Variants in PPP2R2B observed in about 807,000 individuals in gnomAD.
PPP2R2B encodes the protein serine/threonine-protein phosphatase 2A 55 kDa regulatory subunit B beta isoform.
In PPP2R2B, 5 loss-of-function variants were observed where a neutral mutation model predicts 46.0. That is an observed-to-expected ratio of 0.11 (90% confidence interval 0.06 to 0.23). The LOEUF (loss-of-function observed/expected upper bound fraction) is 0.23. Ranked by LOEUF, PPP2R2B falls within the 10% of genes least tolerant of loss-of-function variation. The pLI is 1.00. For missense variants in PPP2R2B, 367 were observed against 575.0 expected (o/e 0.64, Z 3.70); for synonymous variants, 215 against 206.7 (o/e 1.04, Z -0.34).
At chr5:146,997,734 A>C (rs993633075) in intron 1 of PPP2R2B, among the ~76,000 whole-genome samples, 2 of 152,222 alleles carry the variant, frequency 1.3e-5, no homozygotes, top group Non-Finnish European at 2.9e-5. Flanking sequence ...AATGGATAGA[A>C]TTTAATTTTT....
chr5:146,975,754 C>G (rs1409922447), intron 1 of PPP2R2B, among the ~76,000 whole-genome samples: 1 of 152,142 alleles, frequency 6.6e-6, no homozygotes, highest in African/African-American at 2.4e-5. Context: ...AACCTCTTTT[C>G]CTATGCTTGT....
chr5:146,881,533 C>T (rs750352751), upstream of PPP2R2B, among the ~76,000 whole-genome samples: 2 of 152,150 alleles, frequency 1.3e-5, no homozygotes, highest in Non-Finnish European at 2.9e-5. Flanking sequence ...ATGCGTCAGA[C>T]TCCTGAGTAG....
chr5:147,031,050 C>A (rs1340737627), intron 1 of PPP2R2B, among the ~76,000 whole-genome samples: 1 of 152,008 alleles, frequency 6.6e-6, no homozygotes, highest in Non-Finnish European at 1.5e-5. Flanking sequence ...TCCTGACTAA[C>A]ACGGTAAAAC....
At position 146,822,562 on chromosome 5, in the gene PPP2R2B, TTGTCC is replaced by T. The variant is rs1758332929; in HGVS notation, c.70+55435_70+55439del. On this transcript the variant is annotated intron_variant, in intron 2 of 9. Coordinates refer to ENST00000394411, the MANE Select transcript of PPP2R2B (RefSeq NM_181675.4). Reference sequence around the variant, plus strand: ...TTTTTTTTTTTTTTTGCTTTTTAGGTTGTCCTGTCAAGAATACTTCTCCATCTAAT... The same window carrying T: ...TTTTTTTTTTTTTTTGCTTTTTAGGTTGTCAAGAATACTTCTCCATCTAAT... Among the ~76,000 whole-genome samples, 4 of 149,156 alleles carry T rather than the reference TTGTCC, an allele frequency of 2.7e-5. 1 individual carries two copies. In the South Asian group the frequency reaches 8.5e-4, roughly 32 times the overall value.
chr5:147,024,838 G>A (rs543025225), intron 1 of PPP2R2B, among the ~76,000 whole-genome samples: 59 of 152,104 alleles, frequency 3.9e-4, no homozygotes, highest in African/African-American at 1.4e-3. Context: ...AAAATTTATA[G>A]CTTTAAATGC....
intron 2 of PPP2R2B, among the ~76,000 whole-genome samples, chr5:146,862,567 G>A (rs979907960): frequency 1.3e-5 from 2 of 152,266 alleles, no homozygotes; most frequent in South Asian, 2.1e-4. Context: ...CTGGAGGCAG[G>A]CCTTGCAGGT....
At chr5:147,008,702 C>T (rs1754568384) in intron 1 of PPP2R2B, among the ~76,000 whole-genome samples, 1 of 152,132 alleles carries the variant, frequency 6.6e-6, no homozygotes, top group Non-Finnish European at 1.5e-5. Flanking sequence ...GTGGTTGTTA[C>T]AGAGGAGTCA....
At chr5:146,619,673 G>A (rs1773512528) in intron 7 of PPP2R2B, among the ~76,000 whole-genome samples, 1 of 152,142 alleles carries the variant, frequency 6.6e-6, no homozygotes, top group Non-Finnish European at 1.5e-5. Flanking sequence ...AGCTATGCAG[G>A]CCACACCTGT....
At chr5:146,985,017 C>CTT (rs34277498) in intron 1 of PPP2R2B, among the ~76,000 whole-genome samples, 95 of 99,456 alleles carry the variant, frequency 9.6e-4, no homozygotes, top group African/African-American at 1.6e-3. Context: ...TTTTCTTTTT[C>CTT]TTTTTTTTTT....
At position 146,963,634 on chromosome 5, in the gene PPP2R2B, T is replaced by A. The variant is rs538753509; in HGVS notation, c.79+92031A>T. Reference sequence around the variant, plus strand: ...CGGCACCTTCAATTTCCTGTCTTCATTTTTTTTCCCATAGATAATGTTATT... The same window carrying A: ...CGGCACCTTCAATTTCCTGTCTTCAATTTTTTTCCCATAGATAATGTTATT... On this transcript the variant is annotated intron_variant, in intron 1 of 8. Coordinates refer to the PPP2R2B transcript ENST00000336640. 1.3e-4 allele frequency among the ~76,000 whole-genome samples: 20 copies of A among 151,450 alleles called. No individual in the cohort carries two copies. In the South Asian group the frequency reaches 4.2e-3, roughly 31 times the overall value.
At chr5:146,767,994 TG>T (rs1440624719) in intron 2 of PPP2R2B, among the ~76,000 whole-genome samples, 1 of 152,152 alleles carries the variant, frequency 6.6e-6, no homozygotes, top group Non-Finnish European at 1.5e-5. Flanking sequence ...TGAGGTCCTC[TG>T]GGGAAAAATA....
chr5:146,836,567 T>C (rs1363600744), intron 2 of PPP2R2B, among the ~76,000 whole-genome samples: 6 of 152,222 alleles, frequency 3.9e-5, no homozygotes, highest in Admixed American at 3.3e-4. Context: ...CAACTGCTGC[T>C]CTCTGTGTCT....
intron 1 of PPP2R2B, among the ~76,000 whole-genome samples, chr5:146,961,792 C>G (rs539938601): frequency 6.6e-6 from 1 of 152,162 alleles, no homozygotes; most frequent in Non-Finnish European, 1.5e-5. Flanking sequence ...CAGGAAGACA[C>G]TGGTCCCCCA....
chr5:146,870,104 T>C (rs1276954238), intron 2 of PPP2R2B, among the ~76,000 whole-genome samples: 1 of 152,180 alleles, frequency 6.6e-6, no homozygotes, highest in African/African-American at 2.4e-5. Flanking sequence ...CTGATCCTTC[T>C]ACGTCAAGTG....
chr5:146,804,362 C>T (rs1002864851), intron 2 of PPP2R2B, among the ~76,000 whole-genome samples: 1 of 152,086 alleles, frequency 6.6e-6, no homozygotes, highest in African/African-American at 2.4e-5. Context: ...CAGTGACTTG[C>T]TCCAGGTGTC....
intron 2 of PPP2R2B, among the ~76,000 whole-genome samples, chr5:146,875,918 T>C (rs773164388): frequency 1.3e-5 from 2 of 152,222 alleles, no homozygotes; most frequent in Non-Finnish European, 2.9e-5. Context: ...ATTGCATGAA[T>C]CTTCCCTGAA....
intron 2 of PPP2R2B, chr5:146,751,306 T>A (rs1753543848): frequency 6.6e-6 from 1 of 152,098 alleles, no homozygotes; most frequent in East Asian, 1.9e-4. Context: ...GGTCATAGAG[T>A]TCAGTGTTTC....
At position 146,728,390 on chromosome 5, in the gene PPP2R2B, T is replaced by C. The variant is rs73793232; in HGVS notation, c.71-27248A>G. On this transcript the variant is annotated intron_variant, in intron 2 of 9. Transcript: ENST00000394411. ...TATCACTTATTAAGCAGCAAAAACA[T>C]TGAATAGGTGTGTTTATTTTTTCTC... 6.7e-3 allele frequency among the ~76,000 whole-genome samples: 1,013 copies of C among 152,240 alleles called. 13 individuals carry two copies. Among genetic ancestry groups the C allele is most frequent in the African/African-American group, 0.023 (967 of 41,520 alleles).
intron 2 of PPP2R2B, among the ~76,000 whole-genome samples, chr5:146,713,388 A>G (rs1780312598): frequency 6.6e-6 from 1 of 152,254 alleles, no homozygotes; most frequent in Admixed American, 6.5e-5. Context: ...TGAAATGGGC[A>G]CAACAATGTG....
Sources: allele counts gnomAD v4.1 joint callset (sites outside exome capture counted in the v4.1 genomes callset), GRCh38; gene constraint gnomAD v4.1.1; transcripts MANE v1.5; gene names NCBI Gene and HGNC (gene_info 2026-07-23, HGNC 2026-07-21).